ABCB7: variants seen among roughly 807,000 people sequenced by gnomAD.
The protein encoded by ABCB7 is ATP binding cassette subfamily B member 7.
In ABCB7, 7 loss-of-function variants were observed where a neutral mutation model predicts 54.4. The observed-to-expected ratio is 0.13, with a 90% CI of 0.07 to 0.24. The LOEUF (loss-of-function observed/expected upper bound fraction) is 0.24. ABCB7 is among the 10% of genes least tolerant of loss of function. The pLI, the probability that ABCB7 is intolerant of heterozygous loss-of-function variation, is 1.00. For synonymous variants in ABCB7, 218 were observed against 207.1 expected, an observed-to-expected ratio of 1.05 and a Z score of -0.45; for missense variants, 356 against 570.4, an observed-to-expected ratio of 0.62 and a Z score of 3.83.
intron 3 of ABCB7, among the ~76,000 whole-genome samples, chrX:75,102,622 G>A (rs1445057055): frequency 1.8e-5 from 2 of 111,645 alleles, no homozygotes; most frequent in Middle Eastern, 4.2e-3. Context: ...CATACAACAT[G>A]CAGGTATCCT....
chrX:75,066,510 T>G (rs2081319427), intron 12 of ABCB7, among the ~76,000 whole-genome samples: 1 of 111,231 alleles, frequency 9.0e-6, no homozygotes, highest in Admixed American at 9.6e-5. Flanking sequence ...CTGATTTTTT[T>G]GGTGTAATTT....
At chrX:75,081,022 C>A (rs990935589) in intron 4 of ABCB7, among the ~76,000 whole-genome samples, 1 of 111,492 alleles carries the variant, frequency 9.0e-6, no homozygotes, top group Non-Finnish European at 1.9e-5. Context: ...CAAGTAGGAA[C>A]CTGGATTCTC....
intron 1 of ABCB7, among the ~76,000 whole-genome samples, chrX:75,146,602 T>C (rs1051950314): frequency 1.8e-5 from 2 of 111,798 alleles, no homozygotes; most frequent in African/African-American, 6.5e-5. Flanking sequence ...GGTGCTGGGA[T>C]AACTGGCTAG....
At chrX:75,122,160 T>G (rs1391794554) in intron 1 of ABCB7, among the ~76,000 whole-genome samples, 1 of 111,030 alleles carries the variant, frequency 9.0e-6, no homozygotes, top group Non-Finnish European at 1.9e-5. Flanking sequence ...AGATAAGAGG[T>G]CAGCACAAGA....
At chrX:75,126,121 G>A (rs1333065606) in intron 1 of ABCB7, among the ~76,000 whole-genome samples, 1 of 111,127 alleles carries the variant, frequency 9.0e-6, no homozygotes, top group Non-Finnish European at 1.9e-5. Flanking sequence ...TTGAAAAGAA[G>A]CACCTAGATC....
At chrX:75,082,059 T>C (rs750074182) in intron 4 of ABCB7, among the ~76,000 whole-genome samples, 26 of 110,921 alleles carry the variant, frequency 2.3e-4, no homozygotes, top group Admixed American at 8.7e-4. Context: ...GCTGAAATTT[T>C]CCCAAATTCG....
intron 1 of ABCB7, among the ~76,000 whole-genome samples, chrX:75,121,806 T>C (rs1427463069): frequency 8.9e-6 from 1 of 112,379 alleles, no homozygotes; most frequent in African/African-American, 3.2e-5. Flanking sequence ...ATTAAACACT[T>C]ATTAACCTTC....
chrX:75,150,380 T>C (rs1258319098), intron 1 of ABCB7, among the ~76,000 whole-genome samples: 3 of 110,822 alleles, frequency 2.7e-5, no homozygotes, highest in African/African-American at 9.8e-5. Flanking sequence ...AAGGAGAAAA[T>C]CAAAACAACA....
chrX:75,084,364 C>A (rs2081479596), intron 4 of ABCB7, among the ~76,000 whole-genome samples: 1 of 111,306 alleles, frequency 9.0e-6, no homozygotes, highest in Non-Finnish European at 1.9e-5. Context: ...GGTGTTGGAA[C>A]AACTGGAAAA....
At chrX:75,068,482 C>T (rs1401708303) in intron 12 of ABCB7, among the ~76,000 whole-genome samples, 2 of 111,792 alleles carry the variant, frequency 1.8e-5, no homozygotes, top group East Asian at 2.8e-4. Context: ...CACTGTGTTT[C>T]GTACTGAGGG....
chrX:75,131,526 A>C (rs1210620253), intron 1 of ABCB7, among the ~76,000 whole-genome samples: 1 of 111,446 alleles, frequency 9.0e-6, no homozygotes, highest in African/African-American at 3.3e-5. Flanking sequence ...CAACAACAGA[A>C]CCCGTGAACA....
intron 14 of ABCB7, among the ~76,000 whole-genome samples, chrX:75,061,039 A>G (rs1376265742): frequency 8.9e-6 from 1 of 111,793 alleles, no homozygotes; most frequent in Non-Finnish European, 1.9e-5. Flanking sequence ...GATATTTCTG[A>G]ACATTTTATT....
chrX:75,154,688 A>G (rs1006689638), intron 1 of ABCB7, among the ~76,000 whole-genome samples: 1 of 111,649 alleles, frequency 9.0e-6, no homozygotes, highest in Non-Finnish European at 1.9e-5. Flanking sequence ...CTTGCCTTAG[A>G]TATCAGTTAC....
chrX:75,112,773 T>C, intron 3 of ABCB7, 113 bp downstream of exon 3: 2 of 566,877 alleles, frequency 3.5e-6, no homozygotes, highest in Non-Finnish European at 6.0e-6. Flanking sequence ...TTAGAGAACA[T>C]GCAGTTAGAT....
chrX:75,147,903 G>A (rs890447920), intron 1 of ABCB7, among the ~76,000 whole-genome samples: 5 of 111,906 alleles, frequency 4.5e-5, no homozygotes, highest in Non-Finnish European at 5.6e-5. Context: ...ATCACCTGAG[G>A]TCAGGAGTTC....
At chrX:75,138,646 C>G (rs1182579512) in intron 1 of ABCB7, among the ~76,000 whole-genome samples, 1 of 111,539 alleles carries the variant, frequency 9.0e-6, no homozygotes, top group African/African-American at 3.3e-5. Context: ...GAATATACAT[C>G]AGAATCCACC....
In ABCB7 at chrX:75,104,047, G is replaced by GTTT. The variant is rs757074347; in HGVS notation, c.334-4989_334-4987dup. Among the ~76,000 whole-genome samples the GTTT allele has an allele frequency of 1.8e-3, 24 of 13,444 alleles. 5 individuals are homozygous for GTTT. Among genetic ancestry groups the GTTT allele is most frequent in the African/African-American group, 2.5e-3 (16 of 6,279 alleles). The allele number at this position is 13,444 out of a possible 115,157, so 11.7% of individuals were successfully genotyped here. On this transcript the variant is annotated intron_variant, in intron 3 of 15. Coordinates refer to ENST00000373394, the MANE Select transcript of ABCB7 (RefSeq NM_001271696.3). ...AAATGGGCATCCCTGTCTTGTTACA[G>GTTT]TTTTTTTTTTTTTTTTTTTTTTTTT...
At chrX:75,145,919 C>A (rs752220702) in intron 1 of ABCB7, among the ~76,000 whole-genome samples, 31 of 111,294 alleles carry the variant, frequency 2.8e-4, no homozygotes, top group African/African-American at 9.8e-4. Context: ...GTGCAAAAAT[C>A]ACTAGCAGTG....
chrX:75,053,628 A>T (rs771037745), intron 15 of ABCB7, 43 bp from the exon 16 acceptor site: 1 of 1,162,688 alleles, frequency 8.6e-7, no homozygotes. Context: ...AGGTCATTTA[A>T]CTAGCATAAT....
Sources: gnomAD v4.1 joint callset for allele counts (sites outside exome capture counted in the v4.1 genomes callset) on GRCh38, gnomAD v4.1.1 for gene constraint, MANE v1.5 for transcripts, NCBI Gene and HGNC (gene_info 2026-07-23, HGNC 2026-07-21) for gene names.